ITSN2: variants seen among roughly 807,000 people sequenced by gnomAD.
ITSN2 encodes the protein intersectin 2.
ITSN2 carries 156 observed loss-of-function variants against 243.7 expected under a neutral mutation model. The ratio of observed to expected loss-of-function variants is 0.64; its 90% CI spans 0.56 to 0.73. The LOEUF is 0.73. ITSN2 is among the 30% of genes least tolerant of loss of function. ITSN2 has a pLI of 0.00. For synonymous variants in ITSN2, 703 were observed against 699.9 expected (o/e 1.00, Z -0.07); for missense variants, 1,801 against 1,996.1 (o/e 0.90, Z 1.86).
rs1442031539 is a variant in ITSN2, at chr2:24,310,399, G to A, written c.557-19C>T. The A allele has an allele frequency of 1.9e-6, 3 of 1,609,384 alleles. No homozygotes were observed. In the African/African-American group the frequency reaches 4.0e-5, roughly 22 times the overall value. On this transcript the variant is annotated intron_variant, in intron 6 of 39. Coordinates refer to ENST00000355123, the MANE Select transcript of ITSN2 (RefSeq NM_006277.3). ...GGCAATGCTAAAAAAGAAAAAGAAGGAAAAGTATGAAAGAAATTTGTATCT... is the reference window on the plus strand; with the variant it reads ...GGCAATGCTAAAAAAGAAAAAGAAGAAAAAGTATGAAAGAAATTTGTATCT...
At chr2:24,265,499 A>T (rs1037211280) in intron 20 of ITSN2, among the ~76,000 whole-genome samples, 1 of 152,190 alleles carries the variant, frequency 6.6e-6, no homozygotes, top group Non-Finnish European at 1.5e-5. Flanking sequence ...AATAGATTCT[A>T]TGGGACTTTT....
intron 32 of ITSN2, among the ~76,000 whole-genome samples, chr2:24,215,565 G>A (rs1261122171): frequency 6.6e-6 from 1 of 151,836 alleles, no homozygotes; most frequent in East Asian, 1.9e-4. Flanking sequence ...TACTTTGGAG[G>A]CTGAGGTAGG....
intron 14 of ITSN2, among the ~76,000 whole-genome samples, chr2:24,295,221 T>C (rs1680787725): frequency 6.6e-6 from 1 of 152,220 alleles, no homozygotes; most frequent in South Asian, 2.1e-4. Context: ...TGATATTGTA[T>C]ACAGGATTGC....
Position 24,203,632 on chromosome 2 carries a change from G to A in ITSN2, c.5088C>T (p.Leu1696=). The A allele has an allele frequency of 1.2e-6, 2 of 1,613,886 alleles. No homozygotes were observed. The highest frequency in any genetic ancestry group is 1.3e-5 in the African/African-American group (1 of 75,048). ...GTGCTGTCCTTTAGAACCCCTACAG[G>A]AGAGTTTTTTGCTCAAAAAGCTGCA... ...FDLQLFEQKT[L]L is the part of the protein sequence containing the mutation. The change falls in exon 40 of 40, where the codon CTC becomes CTT. Residue 1696 remains leucine, a synonymous_variant. Coordinates refer to ENST00000355123, the MANE Select transcript of ITSN2 (RefSeq NM_006277.3).
At chr2:24,306,124 C>T (rs1042582708) in intron 8 of ITSN2, among the ~76,000 whole-genome samples, 2 of 152,080 alleles carry the variant, frequency 1.3e-5, no homozygotes, top group African/African-American at 4.8e-5. Flanking sequence ...GGATTACAGG[C>T]GTCCACCACC....
intron 22 of ITSN2, among the ~76,000 whole-genome samples, chr2:24,259,320 CCT>C (rs1317848268): frequency 6.6e-6 from 1 of 152,180 alleles, no homozygotes; most frequent in African/African-American, 2.4e-5. Context: ...AAATCTATCT[CCT>C]CTTTCTTATA....
chr2:24,344,022 A>G (rs1040198632), intron 1 of ITSN2, among the ~76,000 whole-genome samples: 1 of 152,204 alleles, frequency 6.6e-6, no homozygotes, highest in East Asian at 1.9e-4. Flanking sequence ...TATTTTATGC[A>G]TATATAAACA....
intron 1 of ITSN2, among the ~76,000 whole-genome samples, chr2:24,328,483 AAT>A (rs1431121200): frequency 4.6e-5 from 7 of 151,688 alleles, no homozygotes; most frequent in Non-Finnish European, 1.5e-5. Context: ...TTTTTTTTTA[AAT>A]AGAGTCTCAC....
intron 30 of ITSN2, among the ~76,000 whole-genome samples, chr2:24,219,596 C>T (rs1670263637): frequency 6.6e-6 from 1 of 152,172 alleles, no homozygotes; most frequent in Non-Finnish European, 1.5e-5. Context: ...GCTGGTCAGG[C>T]CTCTGGGAAC....
intron 29 of ITSN2, among the ~76,000 whole-genome samples, chr2:24,236,627 T>C (rs1672180457): frequency 6.6e-6 from 1 of 152,004 alleles, no homozygotes; most frequent in Non-Finnish European, 1.5e-5. Context: ...CCTTTTTACA[T>C]AGAGAAAAGC....
intron 2 of ITSN2, among the ~76,000 whole-genome samples, chr2:24,327,535 G>C (rs57087854): frequency 6.6e-6 from 1 of 151,908 alleles, no homozygotes; most frequent in Non-Finnish European, 1.5e-5. Context: ...CTGACCTCAA[G>C]TGATCTCCCT....
intron 30 of ITSN2, chr2:24,220,220 T>C (rs1264941349): frequency 3.8e-6 from 2 of 529,762 alleles, no homozygotes; most frequent in Non-Finnish European, 4.8e-6. Flanking sequence ...TGTGTGGGGG[T>C]AGGGGACGCC....
chr2:24,330,824 T>C (rs1685706501), intron 1 of ITSN2: 1 of 391,558 alleles, frequency 2.6e-6, no homozygotes, highest in Non-Finnish European at 4.8e-6. Flanking sequence ...TGGAGTGCAG[T>C]GGCGTGATCT....
chr2:24,319,940 G>A (rs1558622195), intron 2 of ITSN2, among the ~76,000 whole-genome samples: 1 of 152,132 alleles, frequency 6.6e-6, no homozygotes, highest in South Asian at 2.1e-4. Flanking sequence ...AGGCATTCAG[G>A]TCAGCCTCAA....
At chr2:24,262,338 A>C (rs1364361964) in intron 20 of ITSN2, among the ~76,000 whole-genome samples, 7 of 152,070 alleles carry the variant, frequency 4.6e-5, no homozygotes, top group Non-Finnish European at 8.8e-5. Context: ...TAAACTTTTT[A>C]TTCTCCTATA....
At chr2:24,273,173 T>A (rs1242530435) in intron 18 of ITSN2, among the ~76,000 whole-genome samples, 1 of 152,236 alleles carries the variant, frequency 6.6e-6, no homozygotes, top group Non-Finnish European at 1.5e-5. Context: ...TAGTCATCAA[T>A]GCTTTCTCCT....
At chr2:24,360,605 C>CGG (rs1453564286), upstream of ITSN2, 2 of 152,314 alleles carry the variant, frequency 1.3e-5, no homozygotes, top group African/African-American at 4.8e-5. Context: ...CTGCCGGGCA[C>CGG]CGACTCCCCA....
At chr2:24,308,781 T>G in intron 7 of ITSN2, 25 bp from the exon 8 acceptor site, 1 of 1,183,316 alleles carries the variant, frequency 8.5e-7, no homozygotes, top group Non-Finnish European at 1.1e-6. Flanking sequence ...ATTTAAAATT[T>G]TTATGTTACT....
At chr2:24,288,745 T>G (rs116747784) in intron 15 of ITSN2, among the ~76,000 whole-genome samples, 2 of 152,280 alleles carry the variant, frequency 1.3e-5, no homozygotes, top group South Asian at 4.1e-4. Context: ...AGTCACCAGG[T>G]TGTACAATAG....
Sources: allele counts gnomAD v4.1 joint callset (sites outside exome capture counted in the v4.1 genomes callset), GRCh38; gene constraint gnomAD v4.1.1; transcripts MANE v1.5; gene names NCBI Gene and HGNC (gene_info 2026-07-23, HGNC 2026-07-21).